PAX6: variants seen among roughly 807,000 people sequenced by gnomAD.
PAX6 encodes paired box protein Pax-6.
PAX6 carries 7 observed loss-of-function variants against 60.7 expected under a neutral mutation model. The ratio of observed to expected loss-of-function variants is 0.12; its 90% CI spans 0.07 to 0.22. The LOEUF (loss-of-function observed/expected upper bound fraction) is 0.22. Ranked by LOEUF, PAX6 falls within the 10% of genes least tolerant of loss-of-function variation. The pLI is 1.00. For missense variants in PAX6, 355 were observed against 555.2 expected (o/e 0.64, Z 3.62); for synonymous variants, 208 against 201.2 (o/e 1.03, Z -0.29).
chr11:31,803,307 T>C (rs1313360245), intron 4 of PAX6: 5 of 205,562 alleles, frequency 2.4e-5, no homozygotes, highest in African/African-American at 9.1e-5. Context: ...CTCCCAAAGA[T>C]CCCCTCTGAG....
chr11:31,803,104 C>T (rs1360330218), intron 4 of PAX6: 1 of 410,526 alleles, frequency 2.4e-6, no homozygotes. Flanking sequence ...ATCGGGCAGC[C>T]CAGTCCAAGC....
At position 31,793,383 on chromosome 11, in the gene PAX6, C is replaced by T. The variant is rs780629859; in HGVS notation, c.1074+55G>A. The T allele has an allele frequency of 6.1e-6, 9 of 1,468,182 alleles. No homozygotes were observed. The East Asian group carries it at 2.0e-4, about 33-fold the overall frequency. 90.9% of individuals were successfully genotyped at this position (1,468,182 alleles called of 1,614,324 possible). On this transcript the variant is annotated intron_variant, in intron 12 of 13. Coordinates refer to ENST00000640368, the MANE Select transcript of PAX6 (RefSeq NM_001368894.2). The stretch of plus-strand genomic sequence containing the variant: ...CCAATGAGGTCCGCAGGCCCTGAGC[C>T]ACTCCTCACTTCTCTGGGGCCTGGG...
chr11:31,791,088 T>C, intron 12 of PAX6: 1 of 630,260 alleles, frequency 1.6e-6, no homozygotes, highest in South Asian at 1.7e-5. Flanking sequence ...TAAAGCACTT[T>C]AGGTTCTGAC....
intron 1 of PAX6, among the ~76,000 whole-genome samples, chr11:31,817,413 G>A (rs1248102657): frequency 6.6e-6 from 1 of 152,224 alleles, no homozygotes; most frequent in African/African-American, 2.4e-5. Flanking sequence ...TTTCCCAAGC[G>A]TGGATGTCGT....
intron 4 of PAX6, chr11:31,805,052 C>A (rs995613768): frequency 7.2e-5 from 11 of 152,414 alleles, no homozygotes; most frequent in Admixed American, 2.6e-4. Context: ...AGAACTCGAC[C>A]GCGAAGCAAC....
intron 2 of PAX6, 127 bp from the exon 3 acceptor site, chr11:31,807,052 A>T (rs1955987597): frequency 6.6e-6 from 1 of 152,072 alleles, no homozygotes; most frequent in South Asian, 2.1e-4. Context: ...CTGTCATCAA[A>T]CTCTAAGTCC....
At chr11:31,813,931 G>T (rs1260223490), upstream of PAX6, among the ~76,000 whole-genome samples, 1 of 152,168 alleles carries the variant, frequency 6.6e-6, no homozygotes, top group Non-Finnish European at 1.5e-5. Context: ...GCGGCCTAGG[G>T]GTGTGGGGGC....
At chr11:31,800,555 C>T (rs978358189) in intron 8 of PAX6, 136 bp downstream of exon 8, 8 of 1,067,230 alleles carry the variant, frequency 7.5e-6, no homozygotes, top group South Asian at 3.8e-5. Flanking sequence ...GTCGATGTGT[C>T]CCAGGCCTTC....
rs1003624985 is a variant in PAX6, at chr11:31,802,059, T to A, written c.142-147A>T. ...TAAAAAACGAATTTAAAAGCTTTTT[T>A]TAAAAAAAAAACTTTTCTTAAACAC... On this transcript the variant is annotated intron_variant, in intron 5 of 13. Coordinates refer to ENST00000640368, the MANE Select transcript of PAX6 (RefSeq NM_001368894.2). 2.2e-5 allele frequency: 16 copies of A among 730,588 alleles called. No individual in the cohort carries two copies. In the African/African-American group the frequency reaches 2.5e-4, roughly 12 times the overall value. The allele number at this position is 730,588 out of a possible 1,614,324, so 45.3% of individuals were successfully genotyped here.
rs1488608888 is a variant in PAX6 at position 31,793,234 on chromosome 11, A to C, written c.1074+204T>G. 4.3e-6 allele frequency: 3 copies of C among 695,332 alleles called. No homozygotes were observed. In the Admixed American group the frequency reaches 6.0e-5, roughly 14 times the overall value. 43.1% of individuals were successfully genotyped at this position (695,332 alleles called of 1,614,324 possible). A position where few individuals can be genotyped will look rare whatever the true frequency, so the allele number is the denominator to read the frequency against. On this transcript the variant is annotated intron_variant, in intron 12 of 13. Coordinates refer to ENST00000640368, the MANE Select transcript of PAX6 (RefSeq NM_001368894.2). ...TGACAAAACTGGACAGATTTTTATT[A>C]CTCATTTTTTTAGGGCATGAATTAA...
Position 31,793,450 on chromosome 11 carries a change from G to T in PAX6, c.1062C>A (p.Asn354Lys). Reference sequence around the variant, plus strand: ...CAGCCGCACTTACTTGCATAGGCAGGTTATTTGCCATGGTGAAGCTGGGCA... The same window carrying T: ...CAGCCGCACTTACTTGCATAGGCAGTTTATTTGCCATGGTGAAGCTGGGCA... ...PPMPSFTMAN[N>K]LPMQPPVPSQ... The change falls in exon 12 of 14, where the codon AAC (asparagine) becomes AAA (lysine). Residue 354 changes from asparagine to lysine, a missense_variant. Around this residue, in one of 5 missense-constraint regions of PAX6, gnomAD observed 149 missense variants for 191.9 expected, o/e 0.78. Transcript: ENST00000640368. The T allele has an allele frequency of 6.2e-6, 10 of 1,614,190 alleles. No individual in the cohort carries two copies. The highest frequency in any genetic ancestry group is 1.7e-5 in the Admixed American group (1 of 60,032).
At chr11:31,792,292 C>T (rs1226487499) in intron 12 of PAX6, 1 of 152,230 alleles carries the variant, frequency 6.6e-6, no homozygotes, top group Non-Finnish European at 1.5e-5. Context: ...AACTAATGGG[C>T]TGTTAATCCC....
chr11:31,793,382 C>T, intron 12 of PAX6, 56 bp downstream of exon 12: 1 of 1,461,046 alleles, frequency 6.8e-7, no homozygotes, highest in African/African-American at 1.4e-5. Context: ...AGGCCCTGAG[C>T]CACTCCTCAC....
At chr11:31,815,891 G>C (rs1319486027), upstream of PAX6, among the ~76,000 whole-genome samples, 1 of 152,240 alleles carries the variant, frequency 6.6e-6, no homozygotes, top group Non-Finnish European at 1.5e-5. Context: ...CGCTGCCCGG[G>C]GGACAGAGGG....
intron 8 of PAX6, among the ~76,000 whole-genome samples, chr11:31,798,601 G>T (rs1041880478): frequency 6.6e-6 from 1 of 152,122 alleles, no homozygotes; most frequent in African/African-American, 2.4e-5. Context: ...TCCTCCCCAC[G>T]CAACTAGGGG....
At chr11:31,801,304 C>T in intron 7 of PAX6, 1 of 1,416,458 alleles carries the variant, frequency 7.1e-7, no homozygotes, top group South Asian at 1.5e-5. Context: ...CATTCAAGTG[C>T]CTTTCCCTGG....
At chr11:31,808,780 A>C (rs1956421996) in intron 2 of PAX6, 1 of 152,234 alleles carries the variant, frequency 6.6e-6, no homozygotes, top group South Asian at 2.1e-4. Context: ...CTAATTACTT[A>C]AGTAAACGTG....
In PAX6 at chr11:31,801,681, C is replaced by T. The variant is rs538444180; in HGVS notation, c.279G>A (p.Ala93=). The T allele has an allele frequency of 1.2e-6, 2 of 1,614,116 alleles. No individual in the cohort carries two copies. Among genetic ancestry groups the T allele is most frequent in the Admixed American group, 1.7e-5 (1 of 60,014 alleles). The change falls in exon 7 of 14, where the codon GCG becomes GCA. Residue 93 remains alanine, a synonymous_variant. Coordinates refer to ENST00000640368, the MANE Select transcript of PAX6 (RefSeq NM_001368894.2). ...CTATTTTGCTTACAACTTCTGGAGT[C>T]GCTACTCTCGGTTTACTACCACCGA... The part of the protein sequence containing the change: ...RAIGGSKPRV[A]TPEVVSKIAQ...
intron 12 of PAX6, 71 bp downstream of exon 12, chr11:31,793,367 T>G (rs958226562): frequency 7.7e-7 from 1 of 1,291,796 alleles, no homozygotes; most frequent in Non-Finnish European, 1.1e-6. Flanking sequence ...GCCAATGAGG[T>G]CCGCAGGCCC....
Sources: allele counts gnomAD v4.1 joint callset (sites outside exome capture counted in the v4.1 genomes callset), GRCh38; gene constraint gnomAD v4.1.1; regional missense constraint gnomAD v4.1.1; transcripts MANE v1.5; gene names NCBI Gene and HGNC (gene_info 2026-07-23, HGNC 2026-07-21).